Variants in GLIS3 observed in about 807,000 individuals in gnomAD.
GLIS3 encodes the protein GLIS family zinc finger 3, also known as zinc finger protein GLIS3.
In GLIS3, 53 loss-of-function variants were observed where a neutral mutation model predicts 78.6. That is an observed-to-expected ratio of 0.67 (90% CI 0.54 to 0.85). The LOEUF (loss-of-function observed/expected upper bound fraction) is 0.85, where lower values mean the gene tolerates loss of function less well. GLIS3 is among the 40% of genes least tolerant of loss of function. The pLI, the probability that GLIS3 is intolerant of heterozygous loss-of-function variation, is 0.00. For missense variants in GLIS3, 1,703 were observed against 1,231.1 expected, an observed-to-expected ratio of 1.38 and a Z score of -5.74; for synonymous variants, 684 against 509.9, an observed-to-expected ratio of 1.34 and a Z score of -4.60.
intron 4 of GLIS3, among the ~76,000 whole-genome samples, chr9:4,018,247 G>A (rs766113899): frequency 6.6e-6 from 1 of 152,216 alleles, no homozygotes; most frequent in African/African-American, 2.4e-5. Context: ...AATATAAAAT[G>A]AGCAATTAGG....
Position 4,182,500 on chromosome 9 carries a change from G to C in GLIS3, c.389-56559C>G, listed in dbSNP as rs13287438. On this transcript the variant is annotated intron_variant, in intron 2 of 10. Transcript: ENST00000381971. ...ATATTTTATCATCAGTGACAGTATAGGGCAGAGGTTGAATTGAAAAATGGA... is the reference window on the plus strand; with the variant it reads ...ATATTTTATCATCAGTGACAGTATACGGCAGAGGTTGAATTGAAAAATGGA... Among the ~76,000 whole-genome samples, 3 of 152,244 alleles carry C rather than the reference G, an allele frequency of 2.0e-5. No individual in the cohort carries two copies. The East Asian group carries it at 5.8e-4, about 29-fold the overall frequency.
intron 4 of GLIS3, among the ~76,000 whole-genome samples, chr9:4,064,553 G>T (rs776014675): frequency 4.6e-5 from 7 of 152,234 alleles, no homozygotes; most frequent in Non-Finnish European, 7.4e-5. Context: ...ACATCCCAAG[G>T]CCGAGGCAGG....
intron 2 of GLIS3, among the ~76,000 whole-genome samples, chr9:4,162,103 T>C (rs1835524915): frequency 6.6e-6 from 1 of 152,064 alleles, no homozygotes; most frequent in African/African-American, 2.4e-5. Flanking sequence ...ACACTGACCA[T>C]CCCTCAGTTT....
At chr9:4,369,679 T>C in the GLIS3 span, among the ~76,000 whole-genome samples, 3 of 152,148 alleles carry the variant, frequency 2.0e-5, no homozygotes, top group Non-Finnish European at 4.4e-5. Context: ...GATATAACAA[T>C]GGCGTGATGG....
intron 2 of GLIS3, among the ~76,000 whole-genome samples, chr9:4,180,187 C>A (rs1378845661): frequency 6.6e-6 from 1 of 152,072 alleles, no homozygotes; most frequent in Non-Finnish European, 1.5e-5. Context: ...GGTCCATGCA[C>A]AAGGAGAGGA....
intron 4 of GLIS3, among the ~76,000 whole-genome samples, chr9:4,072,882 G>A (rs1029651704): frequency 6.6e-6 from 1 of 152,024 alleles, no homozygotes; most frequent in Non-Finnish European, 1.5e-5. Flanking sequence ...TCATTTTATA[G>A]TTCACGTACA....
intron 2 of GLIS3, among the ~76,000 whole-genome samples, chr9:4,326,940 T>C (rs903744429): frequency 6.6e-6 from 1 of 152,206 alleles, no homozygotes; most frequent in African/African-American, 2.4e-5. Flanking sequence ...AAGTTATTCC[T>C]TTAACAACAA....
At chr9:3,987,769 A>C (rs1307897791) in intron 4 of GLIS3, among the ~76,000 whole-genome samples, 1 of 140,084 alleles carries the variant, frequency 7.1e-6, no homozygotes, top group Non-Finnish European at 1.5e-5. Flanking sequence ...GGCAAAAAAA[A>C]AAAAAAAAAA....
At chr9:4,364,756 C>CTTTTTTTTTTTT in the GLIS3 span, among the ~76,000 whole-genome samples, 19 of 61,096 alleles carry the variant, frequency 3.1e-4, 1 homozygote, top group East Asian at 6.0e-4. Context: ...TCATGTATTG[C>CTTTTTTTTTTTT]TTTTTTTTTT....
At chr9:4,148,676 C>G (rs1269510953) in intron 2 of GLIS3, among the ~76,000 whole-genome samples, 1 of 152,064 alleles carries the variant, frequency 6.6e-6, no homozygotes, top group Non-Finnish European at 1.5e-5. Flanking sequence ...CAGGTAATGC[C>G]CACACCATAC....
chr9:3,860,541 A>G (rs548052830), intron 8 of GLIS3, among the ~76,000 whole-genome samples: 3 of 152,186 alleles, frequency 2.0e-5, no homozygotes, highest in Non-Finnish European at 4.4e-5. Context: ...CTCCCAACTG[A>G]GACACGTAGA....
At position 4,077,464 on chromosome 9, in the gene GLIS3, A is replaced by G. The variant is rs376232452; in HGVS notation, c.1710+40304T>C. On this transcript the variant is annotated intron_variant, in intron 4 of 10. Coordinates refer to ENST00000381971, the MANE Select transcript of GLIS3 (RefSeq NM_001042413.2). ...CTGGAGAAAATAAAACTTAGAAAGGAAAGATACTTCTCCTCAAAAAAAGGA... is the reference window on the plus strand; with the variant it reads ...CTGGAGAAAATAAAACTTAGAAAGGGAAGATACTTCTCCTCAAAAAAAGGA... Among the ~76,000 whole-genome samples the G allele has an allele frequency of 7.9e-5, 12 of 152,306 alleles. 1 individual carries two copies. In the South Asian group the frequency reaches 2.3e-3, roughly 29 times the overall value.
chr9:4,279,315 AT>A (rs1223600152), intron 2 of GLIS3, among the ~76,000 whole-genome samples: 1,509 of 60,616 alleles, frequency 0.025, 61 homozygotes, highest in South Asian at 0.063. Flanking sequence ...AAAAAAAAAA[AT>A]ATATATATAC....
chr9:4,097,253 G>C (rs564211551), intron 4 of GLIS3, among the ~76,000 whole-genome samples: 1 of 152,026 alleles, frequency 6.6e-6, no homozygotes, highest in African/African-American at 2.4e-5. Context: ...TAAATTAAGA[G>C]TCAAAAGGAA....
At position 3,992,943 on chromosome 9, in the gene GLIS3, C is replaced by A. The variant is rs73388229; in HGVS notation, c.1711-55754G>T. Among the ~76,000 whole-genome samples, 130 of 152,224 alleles carry A rather than the reference C, an allele frequency of 8.5e-4. 2 individuals carry two copies. The highest frequency in any genetic ancestry group is 3.0e-3 in the African/African-American group (123 of 41,548). ...TTGTGAATAAAATCCTCAGCAAATCCTTATAGGGTGTTTTTCTTGTGTGAC... is the reference window on the plus strand; with the variant it reads ...TTGTGAATAAAATCCTCAGCAAATCATTATAGGGTGTTTTTCTTGTGTGAC... On this transcript the variant is annotated intron_variant, in intron 4 of 10. Coordinates refer to ENST00000381971, the MANE Select transcript of GLIS3 (RefSeq NM_001042413.2).
intron 4 of GLIS3, among the ~76,000 whole-genome samples, chr9:3,985,196 G>T (rs889304883): frequency 6.6e-6 from 1 of 152,016 alleles, no homozygotes; most frequent in Non-Finnish European, 1.5e-5. Flanking sequence ...CCAGGCTGGA[G>T]TGCAGTAAAG....
the GLIS3 span, among the ~76,000 whole-genome samples, chr9:4,457,182 G>A: frequency 6.6e-6 from 1 of 152,068 alleles, no homozygotes; most frequent in Non-Finnish European, 1.5e-5. Context: ...AGGCAATATA[G>A]TGAGACCCTG....
At chr9:4,356,066 A>G in the GLIS3 span, among the ~76,000 whole-genome samples, 1 of 152,190 alleles carries the variant, frequency 6.6e-6, no homozygotes, top group Non-Finnish European at 1.5e-5. Flanking sequence ...CTCTAACACT[A>G]ATGAGCTGAG....
intron 2 of GLIS3, among the ~76,000 whole-genome samples, chr9:4,170,966 C>A (rs927755943): frequency 6.6e-6 from 1 of 152,104 alleles, no homozygotes; most frequent in Non-Finnish European, 1.5e-5. Flanking sequence ...AAATCATATA[C>A]TTAGAACTGT....
Sources: gnomAD v4.1 joint callset for allele counts (sites outside exome capture counted in the v4.1 genomes callset) on GRCh38, gnomAD v4.1.1 for gene constraint, MANE v1.5 for transcripts, NCBI Gene and HGNC (gene_info 2026-07-23, HGNC 2026-07-21) for gene names.